TTBK2: variants seen among roughly 807,000 people sequenced by gnomAD.
TTBK2 encodes tau tubulin kinase 2, also known as tau-tubulin kinase 2.
A neutral mutation model predicts 110.8 loss-of-function variants in TTBK2; 28 were observed. That is an observed-to-expected ratio of 0.25 (90% CI 0.19 to 0.35). The LOEUF is 0.35. Ranked by LOEUF, TTBK2 falls within the 10% of genes least tolerant of loss-of-function variation. The pLI, the probability that TTBK2 is intolerant of heterozygous loss-of-function variation, is 1.00. For missense variants in TTBK2, 1,369 were observed against 1,500.3 expected (o/e 0.91, Z 1.45); for synonymous variants, 532 against 527.3 (o/e 1.01, Z -0.12).
chr15:42,847,288 A>C (rs1194084430), intron 3 of TTBK2, among the ~76,000 whole-genome samples: 1 of 152,084 alleles, frequency 6.6e-6, no homozygotes, highest in East Asian at 1.9e-4. Flanking sequence ...TTGTTTTCTT[A>C]TTGTTGAGTT....
At chr15:42,843,758 CAAAAAA>C (rs57403388) in intron 3 of TTBK2, among the ~76,000 whole-genome samples, 2 of 71,668 alleles carry the variant, frequency 2.8e-5, no homozygotes, top group Admixed American at 1.7e-4. Flanking sequence ...GACTTGGTCT[CAAAAAA>C]AAAAAAAAAA....
chr15:42,862,064 C>T (rs1187241309), intron 3 of TTBK2, among the ~76,000 whole-genome samples: 1 of 152,018 alleles, frequency 6.6e-6, no homozygotes, highest in Admixed American at 6.6e-5. Flanking sequence ...AACAGACCAA[C>T]AACAAGACTC....
At chr15:42,798,214 G>A in intron 9 of TTBK2, 1 of 456,032 alleles carries the variant, frequency 2.2e-6, no homozygotes, top group Non-Finnish European at 4.4e-6. Flanking sequence ...CAATGTCACT[G>A]GGGAACAAAG....
At chr15:42,754,218 G>C (rs1013263884) in intron 13 of TTBK2, among the ~76,000 whole-genome samples, 4 of 151,560 alleles carry the variant, frequency 2.6e-5, no homozygotes, top group Admixed American at 1.3e-4. Context: ...CGAGTAGCTG[G>C]GACTACAGCA....
rs1479156936 is a variant in TTBK2 at position 42,783,606 on chromosome 15, T to C, written c.1010A>G (p.Asp337Gly). 6.2e-7 allele frequency: 1 copy of C among 1,613,738 alleles called. No individual in the cohort carries two copies. Among genetic ancestry groups the C allele is most frequent in the Non-Finnish European group, 8.5e-7 (1 of 1,179,946 alleles). Residue 337 changes from aspartate (D) to glycine (G), a missense_variant, in exon 11 of 15, where the codon GAC (aspartate) becomes GGC (glycine). Transcript: ENST00000267890. ...GIANATPIPG[D>G]LLRENTDEVF... ...CTCATCTGTATTTTCTCGAAGCAAGTCTCCAGGGATGGGAGTAGCATTGGC... is the reference window on the plus strand; with the variant it reads ...CTCATCTGTATTTTCTCGAAGCAAGCCTCCAGGGATGGGAGTAGCATTGGC...
At chr15:42,842,731 A>G (rs1417425017) in intron 3 of TTBK2, among the ~76,000 whole-genome samples, 2 of 152,092 alleles carry the variant, frequency 1.3e-5, no homozygotes, top group East Asian at 3.9e-4. Context: ...TAAAAAAAAA[A>G]AAAAGACTCA....
At chr15:42,753,815 G>T (rs1479565025) in intron 13 of TTBK2, among the ~76,000 whole-genome samples, 2 of 152,052 alleles carry the variant, frequency 1.3e-5, no homozygotes, top group East Asian at 3.9e-4. Context: ...GGTCCCACTG[G>T]CTCTCTTAAC....
intron 3 of TTBK2, 81 bp from the exon 4 acceptor site, chr15:42,840,514 G>A (rs149015261): frequency 1.6e-6 from 2 of 1,226,844 alleles, no homozygotes; most frequent in Non-Finnish European, 2.4e-6. Context: ...TCTGTATAGT[G>A]TTTTATGATT....
At chr15:42,855,626 T>C (rs1893900931) in intron 3 of TTBK2, among the ~76,000 whole-genome samples, 1 of 152,232 alleles carries the variant, frequency 6.6e-6, no homozygotes, top group Admixed American at 6.5e-5. Flanking sequence ...ATAATGATAC[T>C]CAAAACGAAA....
At chr15:42,889,250 C>T (rs1308784706) in intron 1 of TTBK2, among the ~76,000 whole-genome samples, 1 of 152,170 alleles carries the variant, frequency 6.6e-6, no homozygotes, top group Non-Finnish European at 1.5e-5. Flanking sequence ...TGACCTTACT[C>T]ACATGTCTTG....
chr15:42,912,271 G>A (rs2030803689), intron 1 of TTBK2, among the ~76,000 whole-genome samples: 1 of 152,162 alleles, frequency 6.6e-6, no homozygotes, highest in African/African-American at 2.4e-5. Context: ...ATGATATAAT[G>A]TAAGAGGAAA....
chr15:42,794,051 CTT>C (rs766926992), intron 10 of TTBK2, among the ~76,000 whole-genome samples: 4 of 135,220 alleles, frequency 3.0e-5, no homozygotes, highest in Non-Finnish European at 3.2e-5. Flanking sequence ...GGGTATTTAC[CTT>C]TTTTTTTTTT....
chr15:42,895,459 T>G (rs1412310123), intron 1 of TTBK2, among the ~76,000 whole-genome samples: 2 of 151,050 alleles, frequency 1.3e-5, no homozygotes, highest in African/African-American at 4.9e-5. Flanking sequence ...TATTTACCCA[T>G]GGAACAAATC....
intron 9 of TTBK2, among the ~76,000 whole-genome samples, chr15:42,808,510 T>C (rs963505455): frequency 4.0e-5 from 6 of 151,348 alleles, no homozygotes; most frequent in Admixed American, 1.3e-4. Context: ...AGGAGGTTTA[T>C]TGTTTTTTTT....
At chr15:42,885,338 C>T (rs1276976989) in intron 1 of TTBK2, among the ~76,000 whole-genome samples, 1 of 152,194 alleles carries the variant, frequency 6.6e-6, no homozygotes, top group Non-Finnish European at 1.5e-5. Context: ...GGTAAGCAGC[C>T]CTTTTTACTC....
chr15:42,900,181 C>T (rs944161479), intron 1 of TTBK2, among the ~76,000 whole-genome samples: 2 of 151,328 alleles, frequency 1.3e-5, no homozygotes, highest in Non-Finnish European at 2.9e-5. Flanking sequence ...TTGGTCGAGA[C>T]GGGGTTTCAC....
At chr15:42,771,249 A>G (rs1290301106) in intron 13 of TTBK2, among the ~76,000 whole-genome samples, 1 of 152,108 alleles carries the variant, frequency 6.6e-6, no homozygotes, top group Non-Finnish European at 1.5e-5. Context: ...CTGGGATTAC[A>G]GGCGTGAGCC....
chr15:42,830,877 C>T (rs539666861), intron 4 of TTBK2, among the ~76,000 whole-genome samples: 5 of 151,740 alleles, frequency 3.3e-5, no homozygotes, highest in Admixed American at 6.6e-5. Context: ...TGGTGGTACG[C>T]GCCTGTAGTC....
intron 6 of TTBK2, among the ~76,000 whole-genome samples, chr15:42,820,376 G>C (rs1892240459): frequency 6.6e-6 from 1 of 152,160 alleles, no homozygotes; most frequent in Admixed American, 6.5e-5. Context: ...GTAGGAGAGA[G>C]GAAGGACAAG....
Sources: allele counts gnomAD v4.1 joint callset (sites outside exome capture counted in the v4.1 genomes callset), GRCh38; gene constraint gnomAD v4.1.1; transcripts MANE v1.5; gene names NCBI Gene and HGNC (gene_info 2026-07-23, HGNC 2026-07-21).